The following OR2L5 variants were observed in gnomAD, a reference collection of about 807,000 sequenced individuals.
The protein encoded by OR2L5 is olfactory receptor family 2 subfamily L member 5, also known as olfactory receptor 2L5.
For synonymous variants in OR2L5, 169 were observed against 142.0 expected, an observed-to-expected ratio of 1.19 and a Z score of -1.35; for missense variants, 413 against 381.6, an observed-to-expected ratio of 1.08 and a Z score of -0.69.
At chr1:248,018,998 A>G (rs1662273602) in intron 1 of OR2L5, among the ~76,000 whole-genome samples, 1 of 152,196 alleles carries the variant, frequency 6.6e-6, no homozygotes, top group Non-Finnish European at 1.5e-5. Context: ...TAAAATGAAT[A>G]ATAGTCCATG....
chr1:248,018,141 C>CAA (rs1452711278), intron 1 of OR2L5, among the ~76,000 whole-genome samples: 1 of 147,550 alleles, frequency 6.8e-6, no homozygotes, highest in Non-Finnish European at 1.5e-5. Context: ...GGCGACAGAG[C>CAA]GACTCCATCT....
chr1:248,016,616 G>C (rs1160692338), intron 1 of OR2L5, among the ~76,000 whole-genome samples: 1 of 151,672 alleles, frequency 6.6e-6, no homozygotes, highest in Non-Finnish European at 1.5e-5. Context: ...TTTTTGTTGT[G>C]GGTAATTAAA....
chr1:248,016,957 C>G (rs2103073912), intron 1 of OR2L5, among the ~76,000 whole-genome samples: 1 of 152,088 alleles, frequency 6.6e-6, no homozygotes, highest in Non-Finnish European at 1.5e-5. Flanking sequence ...TGGAAGAAAT[C>G]CTGACATATT....
chr1:248,020,515 G>A (rs192918902), intron 1 of OR2L5, among the ~76,000 whole-genome samples: 12 of 152,244 alleles, frequency 7.9e-5, no homozygotes, highest in African/African-American at 2.9e-4. Flanking sequence ...AAACATGGAA[G>A]CTAAAATGAA....
intron 1 of OR2L5, 50 bp from the exon 2 acceptor site, chr1:248,021,877 C>A: frequency 8.0e-7 from 1 of 1,251,960 alleles, no homozygotes; most frequent in Non-Finnish European, 1.1e-6. Context: ...GCAACCCCTG[C>A]AGATAATGGG....
chr1:248,016,421 A>G (rs1207122738), intron 1 of OR2L5, among the ~76,000 whole-genome samples: 1 of 152,128 alleles, frequency 6.6e-6, no homozygotes, highest in East Asian at 1.9e-4. Flanking sequence ...GAAAATATGT[A>G]TGATTGTTGC....
chr1:248,019,643 A>C (rs531216152), intron 1 of OR2L5, among the ~76,000 whole-genome samples: 210 of 152,292 alleles, frequency 1.4e-3, no homozygotes, highest in African/African-American at 4.9e-3. Context: ...CCAACTGAGT[A>C]AACTCAGTTT....
At chr1:248,018,090 G>A (rs1196973935) in intron 1 of OR2L5, among the ~76,000 whole-genome samples, 1 of 149,796 alleles carries the variant, frequency 6.7e-6, no homozygotes, top group Non-Finnish European at 1.5e-5. Flanking sequence ...GGGAGGCGGA[G>A]CTTGCAGTGA....
chr1:248,016,730 CAT>C (rs1188299523), intron 1 of OR2L5, among the ~76,000 whole-genome samples: 3 of 151,522 alleles, frequency 2.0e-5, no homozygotes, highest in Non-Finnish European at 1.5e-5. Flanking sequence ...ATATATGTAA[CAT>C]ATATATTTAT....
At chr1:248,014,753 A>C (rs1267280553) in intron 1 of OR2L5, among the ~76,000 whole-genome samples, 1 of 152,170 alleles carries the variant, frequency 6.6e-6, no homozygotes, top group African/African-American at 2.4e-5. Flanking sequence ...CACGGTCACT[A>C]TGTCACAGAC....
chr1:248,023,380 GT>G lies in OR2L5; in HGVS notation c.*495del, dbSNP rs1662396351. On this transcript the variant is annotated 3_prime_UTR_variant, in exon 2 of 2. Transcript: ENST00000355281. ...CTCAGGATAAATAAGTATGTCTGGGGTGAAGCCAATTTGCCTTTAGTAAAAC... is the reference window on the plus strand; with the variant it reads ...CTCAGGATAAATAAGTATGTCTGGGGGAAGCCAATTTGCCTTTAGTAAAAC... 6.6e-6 allele frequency: 1 copy of G among 152,148 alleles called. No individual in the cohort carries two copies. Among genetic ancestry groups the G allele is most frequent in the African/African-American group, 2.4e-5 (1 of 41,416 alleles). 9.4% of individuals were successfully genotyped at this position (152,148 alleles called of 1,614,324 possible).
At chr1:248,021,563 T>C (rs569450536) in intron 1 of OR2L5, among the ~76,000 whole-genome samples, 7 of 152,214 alleles carry the variant, frequency 4.6e-5, no homozygotes, top group Non-Finnish European at 8.8e-5. Context: ...CATTGTTCCC[T>C]TCACTTTATT....
At position 248,022,742 on chromosome 1, in the gene OR2L5, A is replaced by T; in HGVS notation, c.795A>T (p.Arg265=). ...CCTATCTATGTCCAAGATCCCTGCGATCTCTGACAGAGGACAAGGTTCTGG... is the reference window on the plus strand; with the variant it reads ...CCTATCTATGTCCAAGATCCCTGCGTTCTCTGACAGAGGACAAGGTTCTGG... The part of the protein sequence containing the change: ...AYTYLCPRSL[R]SLTEDKVLAV... Residue 265 remains arginine, a synonymous_variant, in exon 2 of 2, where the codon CGA becomes CGT. Transcript: ENST00000355281. 6.2e-7 allele frequency: 1 copy of T among 1,614,080 alleles called. No individual in the cohort carries two copies. Among genetic ancestry groups the T allele is most frequent in the Middle Eastern group, 1.6e-4 (1 of 6,062 alleles).
intron 1 of OR2L5, among the ~76,000 whole-genome samples, chr1:248,018,799 C>T (rs957900038): frequency 2.0e-5 from 3 of 152,260 alleles, no homozygotes; most frequent in African/African-American, 7.2e-5. Flanking sequence ...CACAATTATT[C>T]TCCTTGTCTC....
rs6682459 is a variant in OR2L5, at chr1:248,016,018, G to A, written c.-22+2280G>A. 2.2e-3 allele frequency among the ~76,000 whole-genome samples: 342 copies of A among 152,200 alleles called. 1 individual carries two copies. Among genetic ancestry groups the A allele is most frequent in the African/African-American group, 8.1e-3 (337 of 41,532 alleles). On this transcript the variant is annotated intron_variant, in intron 1 of 1. Coordinates refer to ENST00000355281, the MANE Select transcript of OR2L5 (RefSeq NM_001258284.2). Reference sequence around the variant, plus strand: ...AGGTCTCTGTACTGTCATGAATAACGCTCTTCAAATCCTGTGATTCAGCTA... The same window carrying A: ...AGGTCTCTGTACTGTCATGAATAACACTCTTCAAATCCTGTGATTCAGCTA...
At chr1:248,020,730 T>A (rs1662314509) in intron 1 of OR2L5, among the ~76,000 whole-genome samples, 2 of 152,142 alleles carry the variant, frequency 1.3e-5, no homozygotes, top group Admixed American at 1.3e-4. Flanking sequence ...TAATGATGTC[T>A]GACTTAGAGA....
chr1:248,021,395 C>G (rs1662331405), intron 1 of OR2L5, among the ~76,000 whole-genome samples: 1 of 152,158 alleles, frequency 6.6e-6, no homozygotes, highest in Non-Finnish European at 1.5e-5. Context: ...GCTTACTATT[C>G]TATAAGTAGT....
At chr1:248,021,721 A>G (rs530734364) in intron 1 of OR2L5, among the ~76,000 whole-genome samples, 1 of 152,304 alleles carries the variant, frequency 6.6e-6, no homozygotes, top group African/African-American at 2.4e-5. Flanking sequence ...TAATTGTTCT[A>G]TTTTATTTGC....
chr1:248,017,848 A>C (rs770752508), intron 1 of OR2L5, among the ~76,000 whole-genome samples: 3 of 152,312 alleles, frequency 2.0e-5, no homozygotes, highest in Non-Finnish European at 4.4e-5. Flanking sequence ...CTTGCCTTGT[A>C]GAATGTGTCT....
Sources: allele counts gnomAD v4.1 joint callset (sites outside exome capture counted in the v4.1 genomes callset), GRCh38; gene constraint gnomAD v4.1.1; transcripts MANE v1.5; gene names NCBI Gene and HGNC (gene_info 2026-07-23, HGNC 2026-07-21).